The following ZNF665 variants were observed in gnomAD, a reference collection of about 807,000 sequenced individuals.
ZNF665 encodes the protein zinc finger protein 665.
ZNF665 carries 6 observed loss-of-function variants against 7.9 expected under a neutral mutation model. The observed-to-expected ratio is 0.76, with a 90% confidence interval of 0.42 to 1.50. The LOEUF (loss-of-function observed/expected upper bound fraction) is 1.50. ZNF665 is among the 40% of genes most tolerant of loss of function. The pLI, the probability that ZNF665 is intolerant of heterozygous loss-of-function variation, is 0.01. For missense variants in ZNF665, 819 were observed against 806.7 expected (o/e 1.02, Z -0.18); for synonymous variants, 242 against 274.5 (o/e 0.88, Z 1.17).
chr19:53,189,808 A>AGC (rs1423724014), intron 1 of ZNF665, among the ~76,000 whole-genome samples: 1 of 151,872 alleles, frequency 6.6e-6, no homozygotes, highest in African/African-American at 2.4e-5. Flanking sequence ...TCTGCTAAGT[A>AGC]GCGGGTGTTT....
chr19:53,165,100 C>A lies in ZNF665; in HGVS notation c.1390G>T (p.Gly464Cys), dbSNP rs747573479. 1.2e-6 allele frequency: 2 copies of A among 1,613,838 alleles called. No homozygotes were observed. The highest frequency in any genetic ancestry group is 2.7e-5 in the African/African-American group (2 of 74,816). Residue 464 changes from glycine to cysteine, a missense_variant, in exon 4 of 4, where the codon GGT becomes TGT. Coordinates refer to ENST00000396424, the MANE Select transcript of ZNF665 (RefSeq NM_024733.5). The part of the protein sequence containing the change: ...GEKPYKCNDC[G>C]KVFTQNSHLA... ...TGTGAATTTTGTGTGAAGACCTTAC[C>A]GCAGTCATTACATTTGTAAGGCTTT...
intron 2 of ZNF665, chr19:53,180,859 A>G (rs898738462): frequency 6.6e-6 from 1 of 152,198 alleles, no homozygotes; most frequent in Non-Finnish European, 1.5e-5. Flanking sequence ...TTAAATTTAG[A>G]TATTTAGGCA....
rs537101079 is a variant in ZNF665, at chr19:53,169,171, G to GA, written c.143-2825dup. Among the ~76,000 whole-genome samples, 35 of 152,150 alleles carry GA rather than the reference G, an allele frequency of 2.3e-4. 1 individual carries two copies. The East Asian group carries it at 5.0e-3, about 22-fold the overall frequency. On this transcript the variant is annotated intron_variant, in intron 3 of 3. Transcript: ENST00000396424. ...ATTCACAAAGCACAAATCTGATAAA[G>GA]ACTTTGTATCTGGAATATACAAAGA... is the stretch of plus-strand genomic sequence containing the variant.
chr19:53,185,709 C>A (rs1160300220), intron 1 of ZNF665, among the ~76,000 whole-genome samples: 1 of 151,694 alleles, frequency 6.6e-6, no homozygotes, highest in African/African-American at 2.4e-5. Flanking sequence ...TCAAGAGACA[C>A]CAGAAGAGGA....
chr19:53,167,079 G>A (rs62115532), intron 3 of ZNF665, among the ~76,000 whole-genome samples: 28,870 of 151,790 alleles, frequency 0.19, 3,313 homozygotes, highest in African/African-American at 0.32. Context: ...TCGGCTCACC[G>A]CAACCTCCGC....
In ZNF665 at chr19:53,190,866, G is replaced by A. The variant is rs185188083; in HGVS notation, c.-46+2446C>T. Among the ~76,000 whole-genome samples, 52 of 151,532 alleles carry A rather than the reference G, an allele frequency of 3.4e-4. 1 individual carries two copies. In the East Asian group the frequency reaches 9.1e-3, roughly 27 times the overall value. On this transcript the variant is annotated intron_variant, in intron 1 of 3. Transcript: ENST00000396424. The stretch of plus-strand genomic sequence containing the variant: ...GGAGAATTGCTTGAGCCCAGGAAGC[G>A]GAGGTTGCAGTGAGCCAAGATCGTG...
chr19:53,164,379 C>G lies in ZNF665; in HGVS notation c.*74G>C, dbSNP rs928538024. ...TCTCGAACTCGAGACCTCAGGTGAT[C>G]CCCCCGCCTCGGCCTCCCAAAGTGC... On this transcript the variant is annotated 3_prime_UTR_variant, in exon 4 of 4. Coordinates refer to ENST00000396424, the MANE Select transcript of ZNF665 (RefSeq NM_024733.5). 9 of 1,217,272 alleles carry G rather than the reference C, an allele frequency of 7.4e-6. No individual in the cohort carries two copies. The highest frequency in any genetic ancestry group is 2.5e-5 in the East Asian group (1 of 39,512). The allele number at this position is 1,217,272 out of a possible 1,614,324, so 75.4% of individuals were successfully genotyped here.
chr19:53,181,573 T>G (rs1390036728), intron 2 of ZNF665: 1 of 152,150 alleles, frequency 6.6e-6, no homozygotes, highest in African/African-American at 2.4e-5. Flanking sequence ...AGGAGAAGAA[T>G]GCATTGAAGT....
chr19:53,168,849 A>G (rs926481956), intron 3 of ZNF665, among the ~76,000 whole-genome samples: 3 of 152,192 alleles, frequency 2.0e-5, no homozygotes, highest in African/African-American at 7.2e-5. Context: ...TGGAGAAAAG[A>G]CAGTCTTTTT....
chr19:53,165,787 T>C lies in ZNF665; in HGVS notation c.703A>G (p.Lys235Glu), dbSNP rs1159531406. 1 of 1,614,052 alleles carries C rather than the reference T, an allele frequency of 6.2e-7. No homozygotes were observed. Among genetic ancestry groups the C allele is most frequent in the Non-Finnish European group, 8.5e-7 (1 of 1,180,028 alleles). ...QVIHTGEKPY[K>E]CNECGKVFSQ... is the part of the protein sequence containing the mutation. ...AAGACCTTTCCACATTCATTACATT[T>C]GTAAGGTTTTTCTCCAGTATGGATG... The change falls in exon 4 of 4, where the codon AAA becomes GAA. Residue 235 changes from lysine (K) to glutamate (E), a missense_variant. Coordinates refer to ENST00000396424, the MANE Select transcript of ZNF665 (RefSeq NM_024733.5).
At position 53,169,982 on chromosome 19, in the gene ZNF665, C is replaced by T. The variant is rs369450673; in HGVS notation, c.143-3635G>A. ...AAGTCTTTGCTATTGTGAATAGTGC[C>T]GCAATAAACATACGTGTGCGTGTGT... is the stretch of plus-strand genomic sequence containing the variant. On this transcript the variant is annotated intron_variant, in intron 3 of 3. Transcript: ENST00000396424. Among the ~76,000 whole-genome samples the T allele has an allele frequency of 3.9e-4, 57 of 145,072 alleles. 1 individual carries two copies. The East Asian group carries it at 4.5e-3, about 12-fold the overall frequency.
At chr19:53,182,645 C>A (rs2090746559) in intron 2 of ZNF665, 1 of 853,516 alleles carries the variant, frequency 1.2e-6, no homozygotes, top group Non-Finnish European at 1.9e-6. Context: ...CGTCTCCATC[C>A]ATGTCGGGGT....
chr19:53,182,032 T>G (rs1399626300), intron 2 of ZNF665: 1 of 152,254 alleles, frequency 6.6e-6, no homozygotes, highest in African/African-American at 2.4e-5. Context: ...TTCTGTCTTT[T>G]CAGGGCGCTG....
rs2090606298 is a variant in ZNF665, at chr19:53,165,643, T to C, written c.847A>G (p.Ile283Val). ...AHSKLTTHQV[I>V]HTGEKPYKCK... ...TTGTAAGGTTTTTCTCCAGTATGGA[T>C]GACCTGATGTGTAGTTAGTTTTGAA... The change falls in exon 4 of 4, where the codon ATC becomes GTC. Residue 283 changes from isoleucine to valine, a missense_variant. Physicochemically the swap from Ile to Val is conservative, Grantham distance 29 (BLOSUM62 3). Transcript: ENST00000396424. 1 of 1,614,078 alleles carries C rather than the reference T, an allele frequency of 6.2e-7. No individual in the cohort carries two copies. Among genetic ancestry groups the C allele is most frequent in the African/African-American group, 1.3e-5 (1 of 74,942 alleles).
chr19:53,167,165 C>T (rs1345397794), intron 3 of ZNF665, among the ~76,000 whole-genome samples: 2 of 151,850 alleles, frequency 1.3e-5, no homozygotes, highest in Non-Finnish European at 2.9e-5. Flanking sequence ...CCAGGCCAGA[C>T]TAATTTTGTA....
In ZNF665 at chr19:53,162,818, A is replaced by G. The variant is rs1369184118; in HGVS notation, c.*1635T>C. On this transcript the variant is annotated 3_prime_UTR_variant, in exon 4 of 4. Transcript: ENST00000396424. ...CGGTGAGCTGAGATTGCATCACTGC[A>G]CTCCAGCCTGGGCAACAGAACAAGA... 6.7e-6 allele frequency: 1 copy of G among 148,842 alleles called. No homozygotes were observed. Among genetic ancestry groups the G allele is most frequent in the Non-Finnish European group, 1.5e-5 (1 of 67,544 alleles). 9.2% of individuals were successfully genotyped at this position (148,842 alleles called of 1,614,324 possible). A position where few individuals can be genotyped will look rare whatever the true frequency, so the allele number is the denominator to read the frequency against.
Position 53,162,628 on chromosome 19 carries a change from G to C in ZNF665, c.*1825C>G, listed in dbSNP as rs1400285959. ...CCAGCACTTTGGCAGGCCAAGGTGG[G>C]CGGATTATGAGGTCAGGAGTTCGAG... On this transcript the variant is annotated 3_prime_UTR_variant, in exon 4 of 4. Transcript: ENST00000396424. 6.6e-6 allele frequency: 1 copy of C among 152,036 alleles called. No homozygotes were observed. Among genetic ancestry groups the C allele is most frequent in the Non-Finnish European group, 1.5e-5 (1 of 68,006 alleles). 9.4% of individuals were successfully genotyped at this position (152,036 alleles called of 1,614,324 possible).
rs2090597611 is a variant in ZNF665 at position 53,165,108 on chromosome 19, T to C, written c.1382A>G (p.Asn461Ser). Residue 461 changes from asparagine (N) to serine (S), a missense_variant, in exon 4 of 4, where the codon AAT (asparagine) becomes AGT (serine). Asn to Ser is a conservative substitution (Grantham distance 46). Transcript: ENST00000396424. ...IHTGEKPYKC[N>S]DCGKVFTQNS... ...TTGTGTGAAGACCTTACCGCAGTCA[T>C]TACATTTGTAAGGCTTTTCTCCAGT... is the stretch of plus-strand genomic sequence containing the variant. 6.2e-7 allele frequency: 1 copy of C among 1,613,922 alleles called. No homozygotes were observed. The highest frequency in any genetic ancestry group is 1.7e-5 in the Admixed American group (1 of 59,968).
chr19:53,183,911 T>C (rs1343938744), intron 1 of ZNF665, among the ~76,000 whole-genome samples: 2 of 152,036 alleles, frequency 1.3e-5, no homozygotes, highest in African/African-American at 4.8e-5. Flanking sequence ...GGGGAGCAGG[T>C]CAGGGAGGGC....
Sources: allele counts gnomAD v4.1 joint callset (sites outside exome capture counted in the v4.1 genomes callset), GRCh38; gene constraint gnomAD v4.1.1; transcripts MANE v1.5; gene names NCBI Gene and HGNC (gene_info 2026-07-23, HGNC 2026-07-21).